PRDM11: variants seen among roughly 807,000 people sequenced by gnomAD.
The protein encoded by PRDM11 is PR domain-containing protein 11.
Under a neutral mutation model 97.8 loss-of-function variants are expected in PRDM11, and 20 were observed. The ratio of observed to expected loss-of-function variants is 0.20; its 90% CI spans 0.14 to 0.30. PRDM11 has a LOEUF of 0.30. Among genes scored for constraint, PRDM11 ranks in the 10% least tolerant of loss-of-function variants. The pLI, the probability that PRDM11 is intolerant of heterozygous loss-of-function variation, is 1.00. For missense variants in PRDM11, 1,139 were observed against 1,555.2 expected (o/e 0.73, Z 4.50); for synonymous variants, 599 against 637.7 (o/e 0.94, Z 0.91).
In PRDM11 at chr11:45,227,141, T is replaced by C. The variant is rs1341120577; in HGVS notation, c.2516T>C (p.Ile839Thr). The stretch of plus-strand genomic sequence containing the variant: ...GAGCAGAACGTCCTCAACGCTCTCA[T>C]CAAGGACTACCTGGAGGTGGTGGCC... Reference protein sequence around the residue: ...IGEQNVLNALIKDYLEVVAHL... With the variant: ...IGEQNVLNALTKDYLEVVAHL... The change falls in exon 8 of 8, where the codon ATC becomes ACC. Residue 839 changes from isoleucine to threonine, a missense_variant. Ile to Thr is a moderately conservative substitution (Grantham distance 89). Transcript: ENST00000683152. The surrounding 1 kb of genome is among the most constrained non-coding windows in gnomAD (Gnocchi z 8.0). The C allele has an allele frequency of 6.5e-7, 1 of 1,533,930 alleles. No homozygotes were observed. Among genetic ancestry groups the C allele is most frequent in the Admixed American group, 2.0e-5 (1 of 50,986 alleles).
chr11:45,121,407 A>G (rs910849858), intron 1 of PRDM11, among the ~76,000 whole-genome samples: 3 of 152,196 alleles, frequency 2.0e-5, no homozygotes, highest in African/African-American at 7.2e-5. Context: ...TCCCCATATT[A>G]GTATGCTCCT....
chr11:45,127,088 C>G (rs1187754762), intron 1 of PRDM11, among the ~76,000 whole-genome samples: 4 of 152,180 alleles, frequency 2.6e-5, no homozygotes, highest in African/African-American at 9.7e-5. Flanking sequence ...TCATTCATTT[C>G]ATCTGCCATC....
intron 1 of PRDM11, among the ~76,000 whole-genome samples, chr11:45,122,086 AG>A (rs1852442153): frequency 1.3e-5 from 2 of 152,078 alleles, no homozygotes; most frequent in African/African-American, 4.8e-5. Flanking sequence ...GAAATCAAAT[AG>A]GAAAAAAAAT....
chr11:45,219,983 A>G lies in PRDM11; in HGVS notation c.742+226A>G, dbSNP rs1033630631. Among the ~76,000 whole-genome samples, 1 of 152,166 alleles carries G rather than the reference A, an allele frequency of 6.6e-6. No homozygotes were observed. Among genetic ancestry groups the G allele is most frequent in the Non-Finnish European group, 1.5e-5 (1 of 68,030 alleles). On this transcript the variant is annotated intron_variant, in intron 6 of 7. Coordinates refer to ENST00000683152, the MANE Select transcript of PRDM11 (RefSeq NM_001384648.1). This position sits in a 1 kb window ranked among gnomAD's most constrained non-coding sequence, Gnocchi z 4.2. Reference sequence around the variant, plus strand: ...ATGGTCTCAGAAATCCTTACCACACACATTTCAGAGTATTCATGAGAGAGA... The same window carrying G: ...ATGGTCTCAGAAATCCTTACCACACGCATTTCAGAGTATTCATGAGAGAGA...
intron 1 of PRDM11, among the ~76,000 whole-genome samples, chr11:45,169,272 A>G (rs893812728): frequency 2.0e-5 from 3 of 152,264 alleles, no homozygotes; most frequent in African/African-American, 7.2e-5. Flanking sequence ...TTTTAAAATC[A>G]GAAATGCATG....
chr11:45,104,398 G>T (rs1018948952), intron 1 of PRDM11, among the ~76,000 whole-genome samples: 3 of 152,188 alleles, frequency 2.0e-5, no homozygotes, highest in Non-Finnish European at 4.4e-5. Flanking sequence ...CTCATCCATG[G>T]GGGTCGGGTT....
chr11:45,119,147 G>A (rs1852367195), intron 1 of PRDM11, among the ~76,000 whole-genome samples: 1 of 152,168 alleles, frequency 6.6e-6, no homozygotes. Flanking sequence ...AATGACAAAG[G>A]AGAAACTCTT....
At chr11:45,158,922 C>A (rs1431985556) in intron 1 of PRDM11, among the ~76,000 whole-genome samples, 2 of 152,138 alleles carry the variant, frequency 1.3e-5, no homozygotes, top group African/African-American at 4.8e-5. Flanking sequence ...CAGTCTGGCC[C>A]CTTTGCTCAT....
At chr11:45,101,115 C>A (rs1311354251) in intron 1 of PRDM11, among the ~76,000 whole-genome samples, 1 of 152,156 alleles carries the variant, frequency 6.6e-6, no homozygotes, top group African/African-American at 2.4e-5. Flanking sequence ...ACACTTCTTG[C>A]ACCCTAGTCA....
At chr11:45,123,256 T>C (rs1488741734) in intron 1 of PRDM11, among the ~76,000 whole-genome samples, 2 of 152,238 alleles carry the variant, frequency 1.3e-5, no homozygotes, top group Non-Finnish European at 2.9e-5. Context: ...CTTTGTCAGA[T>C]GAGTAGATTG....
intron 1 of PRDM11, among the ~76,000 whole-genome samples, chr11:45,154,191 C>T (rs1244912646): frequency 1.3e-5 from 2 of 151,756 alleles, no homozygotes; most frequent in South Asian, 4.2e-4. Context: ...CCTGTATTTA[C>T]AAAAAATGAA....
upstream of PRDM11, among the ~76,000 whole-genome samples, chr11:45,094,710 G>GA (rs1851861553): frequency 7.6e-6 from 1 of 131,394 alleles, no homozygotes; most frequent in Non-Finnish European, 1.6e-5. Context: ...AAGGGAGGGA[G>GA]GGAGGAAAAG....
rs1443092773 is a variant in PRDM11, at chr11:45,212,833, G to C, written c.555-6737G>C. The C allele has an allele frequency of 8.9e-6, 4 of 449,648 alleles. No individual in the cohort carries two copies. In the Admixed American group the frequency reaches 9.5e-5, roughly 11 times the overall value. The allele number at this position is 449,648 out of a possible 1,614,324, so 27.9% of individuals were successfully genotyped here. A position where few individuals can be genotyped will look rare whatever the true frequency, so the allele number is the denominator to read the frequency against. ...TCATCGGCCAGGCCATGGCCGAGCT[G>C]ACCAGCCGTGTCGGTCAGATGTGCC... On this transcript the variant is annotated intron_variant, in intron 5 of 7. Coordinates refer to ENST00000683152, the MANE Select transcript of PRDM11 (RefSeq NM_001384648.1).
chr11:45,153,813 A>T (rs1241302951), intron 1 of PRDM11, among the ~76,000 whole-genome samples: 2 of 152,234 alleles, frequency 1.3e-5, no homozygotes, highest in African/African-American at 4.8e-5. Context: ...TCTCTGGGGC[A>T]GTAAACACCT....
chr11:45,177,360 C>A (rs981051795), intron 1 of PRDM11, among the ~76,000 whole-genome samples: 1 of 152,262 alleles, frequency 6.6e-6, no homozygotes, highest in Non-Finnish European at 1.5e-5. Context: ...CTGCCGACCC[C>A]CCTTCCCCCA....
intron 4 of PRDM11, among the ~76,000 whole-genome samples, chr11:45,197,680 G>A (rs537552277): frequency 2.6e-5 from 4 of 152,164 alleles, no homozygotes; most frequent in South Asian, 2.1e-4. Flanking sequence ...GGTCTAAACC[G>A]AAAAGAAATT....
chr11:45,204,020 A>C (rs189331811), intron 4 of PRDM11, among the ~76,000 whole-genome samples: 3 of 152,388 alleles, frequency 2.0e-5, no homozygotes, highest in African/African-American at 7.2e-5. Context: ...GGAAAGTCTT[A>C]AAATTTACCA....
In PRDM11 at chr11:45,227,486, C is replaced by A. The variant is rs1854304584; in HGVS notation, c.2861C>A (p.Ala954Asp). 1 of 1,533,818 alleles carries A rather than the reference C, an allele frequency of 6.5e-7. No individual in the cohort carries two copies. The highest frequency in any genetic ancestry group is 8.7e-7 in the Non-Finnish European group (1 of 1,146,736). The part of the protein sequence containing the change: ...IAMKNLRVAE[A>D]KFQSIREKIC... ...ATGAAGAACCTCAGGGTGGCTGAAG[C>A]CAAGTTCCAGTCCATCAGGGAGAAG... is the stretch of plus-strand genomic sequence containing the variant. Residue 954 changes from alanine (A) to aspartate (D), a missense_variant, in exon 8 of 8, where the codon GCC becomes GAC. Transcript: ENST00000683152. This position sits in a 1 kb window ranked among gnomAD's most constrained non-coding sequence, Gnocchi z 8.0.
intron 1 of PRDM11, among the ~76,000 whole-genome samples, chr11:45,171,163 A>G (rs1203627965): frequency 1.3e-5 from 2 of 151,846 alleles, no homozygotes; most frequent in African/African-American, 4.8e-5. Flanking sequence ...GCAATGGTGC[A>G]ATCTAGGCTC....
Sources: allele counts gnomAD v4.1 joint callset (sites outside exome capture counted in the v4.1 genomes callset), GRCh38; gene constraint gnomAD v4.1.1; non-coding constraint Gnocchi (gnomAD v3.1); transcripts MANE v1.5; gene names NCBI Gene and HGNC (gene_info 2026-07-23, HGNC 2026-07-21).